AGBL1: variants seen among roughly 807,000 people sequenced by gnomAD.
AGBL1 encodes the protein cytosolic carboxypeptidase 4.
AGBL1 carries 130 observed loss-of-function variants against 118.9 expected under a neutral mutation model. The observed-to-expected ratio is 1.09, with a 90% CI of 0.95 to 1.26. The LOEUF is 1.26. Ranked by LOEUF, AGBL1 falls within the 50% of genes most tolerant of loss-of-function variation. The pLI is 0.00. For missense variants in AGBL1, 1,584 were observed against 1,298.1 expected (o/e 1.22, Z -3.38); for synonymous variants, 555 against 478.9 (o/e 1.16, Z -2.08).
chr15:86,466,906 A>G (rs753924099), intron 18 of AGBL1, among the ~76,000 whole-genome samples: 1 of 152,174 alleles, frequency 6.6e-6, no homozygotes, highest in Admixed American at 6.5e-5. Context: ...TGCCAGCCAG[A>G]GCTCTCCTGT....
At chr15:87,012,471 C>G (rs1283475237) in intron 24 of AGBL1, among the ~76,000 whole-genome samples, 2 of 151,964 alleles carry the variant, frequency 1.3e-5, no homozygotes, top group African/African-American at 4.8e-5. Context: ...GGTGAAGATA[C>G]AATGTTAAGA....
At chr15:86,344,830 A>G (rs2080512026) in intron 17 of AGBL1, among the ~76,000 whole-genome samples, 2 of 151,954 alleles carry the variant, frequency 1.3e-5, no homozygotes, top group African/African-American at 4.8e-5. Flanking sequence ...CCCAGAACCC[A>G]TTGTTGTCAG....
At chr15:86,490,236 C>A (rs1377022621) in intron 18 of AGBL1, among the ~76,000 whole-genome samples, 1 of 152,028 alleles carries the variant, frequency 6.6e-6, no homozygotes, top group Non-Finnish European at 1.5e-5. Context: ...GGGTCCCTCC[C>A]CTTGCTCTTT....
At chr15:86,798,283 A>G (rs1437541392) in intron 22 of AGBL1, among the ~76,000 whole-genome samples, 1 of 152,210 alleles carries the variant, frequency 6.6e-6, no homozygotes, top group East Asian at 1.9e-4. Context: ...ACTACTAAGG[A>G]GTCTGGGAAA....
chr15:86,495,270 C>G (rs1370866910), intron 18 of AGBL1, among the ~76,000 whole-genome samples: 1 of 151,378 alleles, frequency 6.6e-6, no homozygotes, highest in African/African-American at 2.4e-5. Context: ...TAAAAGCAAA[C>G]AAACACACCC....
intron 24 of AGBL1, among the ~76,000 whole-genome samples, chr15:87,007,580 A>G (rs374945392): frequency 7.6e-4 from 115 of 152,258 alleles, no homozygotes; most frequent in African/African-American, 2.5e-3. Context: ...CACAGACAGG[A>G]TGAGGTGTTT....
intron 21 of AGBL1, among the ~76,000 whole-genome samples, chr15:86,580,520 C>T (rs2084159061): frequency 6.6e-6 from 1 of 151,850 alleles, no homozygotes; most frequent in Non-Finnish European, 1.5e-5. Context: ...TTTTTCTAGA[C>T]TAGTACTCAG....
At chr15:86,396,590 A>G (rs1381204892) in intron 17 of AGBL1, among the ~76,000 whole-genome samples, 1 of 152,178 alleles carries the variant, frequency 6.6e-6, no homozygotes, top group Non-Finnish European at 1.5e-5. Flanking sequence ...TGGAATTCCA[A>G]AGATACTGCT....
At chr15:86,347,388 GC>G (rs1363164721) in intron 17 of AGBL1, among the ~76,000 whole-genome samples, 2 of 152,188 alleles carry the variant, frequency 1.3e-5, no homozygotes, top group Admixed American at 6.5e-5. Flanking sequence ...GATTTATCTT[GC>G]TACCTGTAAC....
chr15:86,506,825 G>T (rs1364083611), intron 18 of AGBL1, among the ~76,000 whole-genome samples: 1 of 152,034 alleles, frequency 6.6e-6, no homozygotes, highest in African/African-American at 2.4e-5. Flanking sequence ...ATTTCCTCAA[G>T]ATTTATTTGA....
chr15:86,846,059 GC>G (rs1305723854), intron 22 of AGBL1, among the ~76,000 whole-genome samples: 5 of 152,186 alleles, frequency 3.3e-5, no homozygotes, highest in Non-Finnish European at 7.3e-5. Context: ...TATTTAGCCA[GC>G]CTGGTAGTCT....
Position 86,389,312 on chromosome 15 carries a change from TA to T in AGBL1, c.2375-8051del, listed in dbSNP as rs2081244186. 3.3e-5 allele frequency among the ~76,000 whole-genome samples: 5 copies of T among 152,234 alleles called. No individual in the cohort carries two copies. In the South Asian group the frequency reaches 1.0e-3, roughly 32 times the overall value. ...ATGAGAAGACAAGTTTCCAGGTACC[TA>T]AAGACTGTTAAAAGCTGTCAAGTTC... On this transcript the variant is annotated intron_variant, in intron 17 of 22. Coordinates refer to ENST00000614907, the MANE Select transcript of AGBL1 (RefSeq NM_001386094.1).
At chr15:87,007,138 A>G (rs2141773036) in intron 24 of AGBL1, among the ~76,000 whole-genome samples, 1 of 152,348 alleles carries the variant, frequency 6.6e-6, no homozygotes, top group East Asian at 1.9e-4. Context: ...TTTTTAACAA[A>G]GCCACTGAAG....
chr15:86,757,943 T>C (rs1294475065), intron 22 of AGBL1, among the ~76,000 whole-genome samples: 1 of 152,146 alleles, frequency 6.6e-6, no homozygotes. Flanking sequence ...GTAGAGTTTG[T>C]TGTGGCTCCA....
intron 5 of AGBL1, among the ~76,000 whole-genome samples, chr15:86,215,764 T>G (rs2078177807): frequency 6.6e-6 from 1 of 152,214 alleles, no homozygotes; most frequent in Non-Finnish European, 1.5e-5. Context: ...CAGTTCTAAA[T>G]CTAAAACATA....
At chr15:86,644,753 C>A (rs2085249353) in intron 21 of AGBL1, among the ~76,000 whole-genome samples, 1 of 151,534 alleles carries the variant, frequency 6.6e-6, no homozygotes, top group South Asian at 2.1e-4. Flanking sequence ...CGCCTGTAAT[C>A]CCAGCACTTT....
intron 20 of AGBL1, among the ~76,000 whole-genome samples, chr15:86,553,439 A>G (rs1191470485): frequency 6.6e-6 from 1 of 152,216 alleles, no homozygotes; most frequent in Non-Finnish European, 1.5e-5. Context: ...AAAAGGTGGA[A>G]CATATGAACC....
chr15:86,905,378 T>G (rs1240273595), intron 22 of AGBL1, among the ~76,000 whole-genome samples: 1 of 152,200 alleles, frequency 6.6e-6, no homozygotes, highest in African/African-American at 2.4e-5. Context: ...TCATTGCAAG[T>G]TCCACAAAAG....
chr15:86,377,051 T>C (rs1364625546), intron 17 of AGBL1, among the ~76,000 whole-genome samples: 1 of 152,202 alleles, frequency 6.6e-6, no homozygotes. Flanking sequence ...GCCAGGTCTT[T>C]ATAAGTCAGG....
Sources: allele counts gnomAD v4.1 joint callset (sites outside exome capture counted in the v4.1 genomes callset), GRCh38; gene constraint gnomAD v4.1.1; transcripts MANE v1.5; gene names NCBI Gene and HGNC (gene_info 2026-07-23, HGNC 2026-07-21).